ACBD6: variants seen among roughly 807,000 people sequenced by gnomAD.
The protein encoded by ACBD6 is acyl-CoA binding domain containing 6.
ACBD6 carries 28 observed loss-of-function variants against 37.2 expected under a neutral mutation model. That is an observed-to-expected ratio of 0.75 (90% CI 0.56 to 1.03). The LOEUF (loss-of-function observed/expected upper bound fraction) is 1.03. ACBD6 is among the 50% of genes least tolerant of loss of function. The probability of loss-of-function intolerance (pLI) is 0.00; values close to 1 mark genes in which losing one functional copy is unlikely to be tolerated. For synonymous variants in ACBD6, 113 were observed against 126.8 expected, an observed-to-expected ratio of 0.89 and a Z score of 0.73; for missense variants, 340 against 337.4, an observed-to-expected ratio of 1.01 and a Z score of -0.06.
intron 4 of ACBD6, among the ~76,000 whole-genome samples, chr1:180,419,124 G>A (rs968381956): frequency 2.0e-5 from 3 of 152,292 alleles, no homozygotes; most frequent in South Asian, 2.1e-4. Context: ...GGTGGTGGGC[G>A]CCTGTAGTCC....
At chr1:180,281,564 G>A (rs1649308950) in intron 8 of ACBD6, among the ~76,000 whole-genome samples, 2 of 152,198 alleles carry the variant, frequency 1.3e-5, no homozygotes, top group African/African-American at 4.8e-5. Flanking sequence ...CTGAAAGTGT[G>A]TCCTTTGCCA....
intron 3 of ACBD6, among the ~76,000 whole-genome samples, chr1:180,476,778 A>G (rs1470891831): frequency 2.0e-5 from 3 of 152,158 alleles, no homozygotes; most frequent in Non-Finnish European, 4.4e-5. Flanking sequence ...GTGAGCTGAG[A>G]TCATGCCATT....
chr1:180,454,514 A>T (rs1243716874), intron 3 of ACBD6, among the ~76,000 whole-genome samples: 1 of 152,254 alleles, frequency 6.6e-6, no homozygotes. Context: ...CAAAAGCCAA[A>T]ATTGACAAGT....
chr1:180,345,355 CA>C (rs1652139731), intron 6 of ACBD6, among the ~76,000 whole-genome samples: 1 of 152,094 alleles, frequency 6.6e-6, no homozygotes, highest in Non-Finnish European at 1.5e-5. Context: ...GTTAGGCCCA[CA>C]AAACAGTTCC....
intron 6 of ACBD6, among the ~76,000 whole-genome samples, chr1:180,329,844 G>C (rs1651410663): frequency 6.6e-6 from 1 of 151,938 alleles, no homozygotes; most frequent in South Asian, 2.1e-4. Flanking sequence ...ACATGTCTTT[G>C]GACAAGTTAG....
chr1:180,433,460 T>C (rs922327492), intron 3 of ACBD6, among the ~76,000 whole-genome samples: 1 of 152,316 alleles, frequency 6.6e-6, no homozygotes, highest in Admixed American at 6.5e-5. Context: ...AACTGAAAGC[T>C]TTCTTTCTAA....
At chr1:180,388,398 A>G (rs1653927251) in intron 6 of ACBD6, among the ~76,000 whole-genome samples, 1 of 152,208 alleles carries the variant, frequency 6.6e-6, no homozygotes. Flanking sequence ...GCATTAAAGA[A>G]TAGTTAATAC....
chr1:180,297,916 G>A (rs1188433443), intron 7 of ACBD6, among the ~76,000 whole-genome samples: 3 of 152,060 alleles, frequency 2.0e-5, no homozygotes, highest in African/African-American at 7.2e-5. Flanking sequence ...AATTGTTTTT[G>A]TATTTTTTAG....
At chr1:180,494,173 G>A (rs938870489) in intron 2 of ACBD6, among the ~76,000 whole-genome samples, 10 of 152,036 alleles carry the variant, frequency 6.6e-5, no homozygotes, top group African/African-American at 2.4e-4. Context: ...TTCCTCAATA[G>A]TTTTTCTCTA....
chr1:180,419,237 C>T (rs968852916), intron 4 of ACBD6, among the ~76,000 whole-genome samples: 1 of 151,994 alleles, frequency 6.6e-6, no homozygotes, highest in Non-Finnish European at 1.5e-5. Context: ...GGTGACAGAG[C>T]GAGACTCCGT....
chr1:180,356,061 C>T (rs4651062), intron 6 of ACBD6, among the ~76,000 whole-genome samples: 133,447 of 151,760 alleles, frequency 0.88, 59,307 homozygotes, highest in East Asian at 0.98. Context: ...TTAGTAGAAA[C>T]GGGGTTTCAC....
At chr1:180,415,167 G>T (rs1648030240) in intron 4 of ACBD6, among the ~76,000 whole-genome samples, 1 of 152,072 alleles carries the variant, frequency 6.6e-6, no homozygotes, top group Non-Finnish European at 1.5e-5. Context: ...GGGAGGCCAA[G>T]GCGGGTGGAT....
chr1:180,399,362 G>T (rs965555056), intron 5 of ACBD6, among the ~76,000 whole-genome samples: 2 of 152,064 alleles, frequency 1.3e-5, no homozygotes, highest in Non-Finnish European at 1.5e-5. Flanking sequence ...TCTGCCTTCC[G>T]GTTTCAAGCA....
At position 180,502,186 on chromosome 1, in the gene ACBD6, C is replaced by A. The variant is rs564781532; in HGVS notation, c.81G>T (p.Glu27Asp). Reference sequence around the variant, plus strand: ...TCTCAGGGCTATGGGGGAACTCCACCTCCCCGGAGTCGTCCCCTGAGCTCA... The same window carrying A: ...TCTCAGGGCTATGGGGGAACTCCACATCCCCGGAGTCGTCCCCTGAGCTCA... Reference protein sequence around the residue: ...GELSSGDDSGEVEFPHSPEIE... With the variant: ...GELSSGDDSGDVEFPHSPEIE... The change falls in exon 1 of 8, where the codon GAG becomes GAT. Residue 27 changes from glutamate to aspartate, a missense_variant. By Grantham distance (45) the Glu-to-Asp change is conservative. Coordinates refer to ENST00000367595, the MANE Select transcript of ACBD6 (RefSeq NM_032360.4). The A allele has an allele frequency of 6.2e-7, 1 of 1,614,094 alleles. No homozygotes were observed. Among genetic ancestry groups the A allele is most frequent in the Non-Finnish European group, 8.5e-7 (1 of 1,180,036 alleles).
At chr1:180,372,928 G>A (rs1012342185) in intron 6 of ACBD6, among the ~76,000 whole-genome samples, 6 of 152,106 alleles carry the variant, frequency 3.9e-5, no homozygotes, top group African/African-American at 9.7e-5. Context: ...GATCTGCCTG[G>A]TCCTAGCAAA....
At chr1:180,283,820 C>T (rs1047331108), downstream of ACBD6, among the ~76,000 whole-genome samples, 1 of 152,070 alleles carries the variant, frequency 6.6e-6, no homozygotes, top group Admixed American at 6.5e-5. Context: ...TGTTTCAGCG[C>T]TTACATGTCA....
intron 3 of ACBD6, among the ~76,000 whole-genome samples, chr1:180,488,248 A>C (rs1302718484): frequency 6.6e-6 from 1 of 152,198 alleles, no homozygotes; most frequent in Non-Finnish European, 1.5e-5. Flanking sequence ...AACAAAAAAA[A>C]ACTTATCCTC....
At chr1:180,400,138 T>G (rs1049034190) in intron 5 of ACBD6, among the ~76,000 whole-genome samples, 2 of 152,234 alleles carry the variant, frequency 1.3e-5, no homozygotes, top group African/African-American at 4.8e-5. Context: ...AAGCAACACA[T>G]TTTACTGTTA....
intron 8 of ACBD6, among the ~76,000 whole-genome samples, chr1:180,281,861 C>T (rs555398299): frequency 2.1e-4 from 32 of 152,234 alleles, no homozygotes; most frequent in African/African-American, 4.8e-4. Context: ...ATAAACCATC[C>T]GAAACTATTA....
Sources: allele counts gnomAD v4.1 joint callset (sites outside exome capture counted in the v4.1 genomes callset), GRCh38; gene constraint gnomAD v4.1.1; transcripts MANE v1.5; gene names NCBI Gene and HGNC (gene_info 2026-07-23, HGNC 2026-07-21).